CD2AP: variants seen among roughly 807,000 people sequenced by gnomAD.
CD2AP encodes the protein CD2-associated protein.
CD2AP carries 46 observed loss-of-function variants against 85.1 expected under a neutral mutation model. The ratio of observed to expected loss-of-function variants is 0.54; its 90% CI spans 0.43 to 0.69. The LOEUF (loss-of-function observed/expected upper bound fraction) is 0.69. CD2AP is among the 30% of genes least tolerant of loss of function. The pLI is 0.00. For synonymous variants in CD2AP, 255 were observed against 252.9 expected (o/e 1.01, Z -0.08); for missense variants, 769 against 729.5 (o/e 1.05, Z -0.62).
rs572125537 is a variant in CD2AP at position 47,531,779 on chromosome 6, A to G, written c.166-1823A>G. Among the ~76,000 whole-genome samples the G allele has an allele frequency of 1.9e-3, 292 of 152,262 alleles. 2 individuals carry two copies. Among genetic ancestry groups the G allele is most frequent in the Admixed American group, 4.3e-3 (65 of 15,288 alleles). On this transcript the variant is annotated intron_variant, in intron 2 of 17. Transcript: ENST00000359314. ...TCAAGTATTTGAAGTATGTTTTATA[A>G]GAATCCTTTTCGGCCGGGCGTGGTG...
intron 13 of CD2AP, 145 bp downstream of exon 13, chr6:47,599,588 G>A: frequency 2.6e-6 from 2 of 765,728 alleles, no homozygotes; most frequent in Non-Finnish European, 4.3e-6. Flanking sequence ...AAATTTAGCA[G>A]CCAAAGTAGA....
intron 2 of CD2AP, among the ~76,000 whole-genome samples, chr6:47,508,345 T>C (rs894966478): frequency 2.0e-5 from 3 of 152,220 alleles, no homozygotes; most frequent in African/African-American, 7.2e-5. Flanking sequence ...TATTATGTTA[T>C]AGAAATGGCT....
At chr6:47,588,364 T>C (rs1201150211) in intron 11 of CD2AP, among the ~76,000 whole-genome samples, 1 of 152,188 alleles carries the variant, frequency 6.6e-6, no homozygotes, top group Non-Finnish European at 1.5e-5. Context: ...GGTTCTCTAA[T>C]GCGTTACACA....
chr6:47,510,845 T>G (rs970133264), intron 2 of CD2AP, among the ~76,000 whole-genome samples: 1 of 151,352 alleles, frequency 6.6e-6, no homozygotes, highest in Non-Finnish European at 1.5e-5. Flanking sequence ...GAGGCCGAGG[T>G]GGGCAGATTA....
In CD2AP at chr6:47,609,303, G is replaced by C. The variant is rs377096139; in HGVS notation, c.1813G>C (p.Gly605Arg). The change falls in exon 16 of 18, where the codon GGG becomes CGG. Residue 605 changes from glycine (G) to arginine (R), a missense_variant and splice_region_variant. Physicochemically the swap from Gly to Arg is moderately radical, Grantham distance 125. Coordinates refer to ENST00000359314, the MANE Select transcript of CD2AP (RefSeq NM_012120.3). ...CIVEALKKDH[G>R]KELEKLRKDL... ...TGTAGAAGCACTGAAAAAGGATCAC[G>C]GGTAAGTAGCCCTTCTTTTCTCCTG... 2.2e-5 allele frequency: 36 copies of C among 1,610,620 alleles called. No homozygotes were observed. The South Asian group carries it at 3.8e-4, about 17-fold the overall frequency.
chr6:47,581,800 A>G (rs969103804), intron 10 of CD2AP, among the ~76,000 whole-genome samples: 6 of 152,332 alleles, frequency 3.9e-5, no homozygotes, highest in South Asian at 2.1e-4. Context: ...TTGACAAAGA[A>G]GGAACTGAGA....
chr6:47,606,580 T>C (rs749175405), intron 14 of CD2AP, among the ~76,000 whole-genome samples: 3 of 152,070 alleles, frequency 2.0e-5, no homozygotes, highest in Admixed American at 1.3e-4. Flanking sequence ...GTTATTAAAA[T>C]TGAGCAGCAG....
chr6:47,527,613 T>C (rs1209355480), intron 2 of CD2AP, among the ~76,000 whole-genome samples: 3 of 152,224 alleles, frequency 2.0e-5, no homozygotes, highest in Non-Finnish European at 4.4e-5. Context: ...TTGAAGAGGC[T>C]GCCCAGTAGA....
At chr6:47,543,491 T>C (rs1356849951) in intron 3 of CD2AP, among the ~76,000 whole-genome samples, 5 of 152,216 alleles carry the variant, frequency 3.3e-5, no homozygotes, top group Non-Finnish European at 7.3e-5. Flanking sequence ...CAGATTTATC[T>C]TCTCACAGTT....
intron 8 of CD2AP, 37 bp from the exon 9 acceptor site, chr6:47,579,348 A>AAAAGG (rs57280259): frequency 1.2e-5 from 14 of 1,167,068 alleles, no homozygotes; most frequent in Admixed American, 6.9e-5. Context: ...AAAAAAAAAA[A>AAAAGG]GGTCTATTGT....
At chr6:47,539,379 G>C (rs1044274441) in intron 3 of CD2AP, among the ~76,000 whole-genome samples, 4 of 152,190 alleles carry the variant, frequency 2.6e-5, no homozygotes, top group African/African-American at 4.8e-5. Context: ...CATGGAGATT[G>C]GGAGAATAGC....
At chr6:47,600,925 A>G (rs1211791590) in intron 13 of CD2AP, among the ~76,000 whole-genome samples, 1 of 151,898 alleles carries the variant, frequency 6.6e-6, no homozygotes, top group Non-Finnish European at 1.5e-5. Context: ...TCTTTATCAC[A>G]TAAGTCTTTA....
At chr6:47,579,331 T>C in intron 8 of CD2AP, 54 bp from the exon 9 acceptor site, 1 of 950,974 alleles carries the variant, frequency 1.1e-6, no homozygotes, top group Non-Finnish European at 1.6e-6. Flanking sequence ...CAACACTTTA[T>C]CTTAAAAAAA....
At chr6:47,532,008 G>T (rs1043095975) in intron 2 of CD2AP, among the ~76,000 whole-genome samples, 6 of 151,938 alleles carry the variant, frequency 3.9e-5, no homozygotes, top group African/African-American at 1.5e-4. Context: ...AGGAGGCGGA[G>T]GTTGCAGTGA....
chr6:47,613,815 G>C (rs896335414), intron 17 of CD2AP, among the ~76,000 whole-genome samples: 2 of 152,206 alleles, frequency 1.3e-5, no homozygotes, highest in African/African-American at 4.8e-5. Context: ...ATAGAAGGCT[G>C]TTTTACCTCC....
chr6:47,509,090 A>C (rs1170815674), intron 2 of CD2AP, among the ~76,000 whole-genome samples: 3 of 152,136 alleles, frequency 2.0e-5, no homozygotes, highest in African/African-American at 7.2e-5. Flanking sequence ...AGGCTGTTGT[A>C]GGGTTATTAA....
intron 15 of CD2AP, 42 bp from the exon 16 acceptor site, chr6:47,609,081 T>C (rs1192161656): frequency 7.1e-7 from 1 of 1,408,726 alleles, no homozygotes; most frequent in Non-Finnish European, 9.8e-7. Context: ...AACGTAAATA[T>C]AATATTAAAT....
rs1369779889 is a variant in CD2AP, at chr6:47,625,611, T to C, written c.*1384T>C. ...GTTTTATGCTTTATTATATCGCAAATGAGTGTCAGATTTTTGAGTACCAAT... is the reference window on the plus strand; with the variant it reads ...GTTTTATGCTTTATTATATCGCAAACGAGTGTCAGATTTTTGAGTACCAAT... On this transcript the variant is annotated 3_prime_UTR_variant, in exon 18 of 18. Transcript: ENST00000359314. 4 of 151,824 alleles carry C rather than the reference T, an allele frequency of 2.6e-5. No individual in the cohort carries two copies. In the East Asian group the frequency reaches 7.7e-4, roughly 29 times the overall value. 9.4% of individuals were successfully genotyped at this position (151,824 alleles called of 1,614,324 possible). A position where few individuals can be genotyped will look rare whatever the true frequency, so the allele number is the denominator to read the frequency against.
chr6:47,541,322 C>T (rs972059744), intron 3 of CD2AP, among the ~76,000 whole-genome samples: 5 of 152,120 alleles, frequency 3.3e-5, no homozygotes, highest in African/African-American at 1.2e-4. Context: ...GATGGGGTTT[C>T]ACCATGTTAG....
Sources: allele counts gnomAD v4.1 joint callset (sites outside exome capture counted in the v4.1 genomes callset), GRCh38; gene constraint gnomAD v4.1.1; transcripts MANE v1.5; gene names NCBI Gene and HGNC (gene_info 2026-07-23, HGNC 2026-07-21).